Variants in RGL1 observed in about 807,000 individuals in gnomAD.
The protein encoded by RGL1 is ral guanine nucleotide dissociation stimulator like 1.
RGL1 carries 24 observed loss-of-function variants against 95.2 expected under a neutral mutation model. The observed-to-expected ratio is 0.25, with a 90% CI of 0.18 to 0.35. The LOEUF (loss-of-function observed/expected upper bound fraction) is 0.35. Among genes scored for constraint, RGL1 ranks in the 10% least tolerant of loss-of-function variants. The pLI is 1.00. For missense variants in RGL1, 715 were observed against 936.3 expected, an observed-to-expected ratio of 0.76 and a Z score of 3.08; for synonymous variants, 329 against 344.9, an observed-to-expected ratio of 0.95 and a Z score of 0.51.
chr1:183,784,807 G>C (rs923348577), intron 2 of RGL1, among the ~76,000 whole-genome samples: 4 of 152,186 alleles, frequency 2.6e-5, no homozygotes, highest in Admixed American at 6.5e-5. Flanking sequence ...TTTGATCCTA[G>C]TGTGTAAAAG....
chr1:183,776,826 C>T (rs79691548), intron 2 of RGL1, among the ~76,000 whole-genome samples: 3 of 152,296 alleles, frequency 2.0e-5, no homozygotes, highest in Admixed American at 6.5e-5. Context: ...AGTTCATCCA[C>T]AAAAACATGA....
intron 1 of RGL1, among the ~76,000 whole-genome samples, chr1:183,662,837 C>G (rs1651742239): frequency 6.6e-6 from 1 of 152,192 alleles, no homozygotes; most frequent in Non-Finnish European, 1.5e-5. Flanking sequence ...GTAACCAAAA[C>G]AGCATGGTAC....
chr1:183,792,052 C>G (rs986421172), intron 2 of RGL1, among the ~76,000 whole-genome samples: 1 of 152,044 alleles, frequency 6.6e-6, no homozygotes, highest in Non-Finnish European at 1.5e-5. Context: ...ATTTCTTTAT[C>G]CCCAGAACTG....
intron 1 of RGL1, among the ~76,000 whole-genome samples, chr1:183,716,801 T>G (rs546428639): frequency 6.6e-6 from 1 of 152,354 alleles, no homozygotes; most frequent in Admixed American, 6.5e-5. Context: ...ACCTTCTTGC[T>G]CTAGAATTCT....
At chr1:183,748,563 G>A (rs567349617) in intron 2 of RGL1, among the ~76,000 whole-genome samples, 6 of 151,856 alleles carry the variant, frequency 4.0e-5, no homozygotes, top group Non-Finnish European at 7.4e-5. Flanking sequence ...CCGCCACCAC[G>A]TCCAGCTAAT....
At position 183,648,480 on chromosome 1, in the gene RGL1, A is replaced by G. The variant is rs765789119; in HGVS notation, c.-33+11979A>G. On this transcript the variant is annotated intron_variant, in intron 1 of 18. Coordinates refer to the RGL1 transcript ENST00000304685. ...TATGGCTGAGTCAAGATAACCATTC[A>G]TTTCAAAGAGCATTGATTCTGGATG... 3.1e-6 allele frequency: 5 copies of G among 1,614,114 alleles called. No individual in the cohort carries two copies. The South Asian group carries it at 5.5e-5, about 18-fold the overall frequency.
intron 16 of RGL1, among the ~76,000 whole-genome samples, chr1:183,919,583 C>G (rs557373599): frequency 1.2e-3 from 181 of 152,320 alleles, no homozygotes; most frequent in African/African-American, 4.0e-3. Flanking sequence ...GCAAGAGCAA[C>G]TAATGTCCCT....
intron 2 of RGL1, among the ~76,000 whole-genome samples, chr1:183,790,626 CAAT>C (rs2102377146): frequency 6.6e-6 from 1 of 152,004 alleles, no homozygotes; most frequent in Non-Finnish European, 1.5e-5. Flanking sequence ...GCACAGGATA[CAAT>C]AAGTTAACAG....
At position 183,724,778 on chromosome 1, in the gene RGL1, T is replaced by C. The variant is rs1171666765; in HGVS notation, c.-32-17348T>C. Among the ~76,000 whole-genome samples the C allele has an allele frequency of 6.6e-6, 1 of 152,040 alleles. No individual in the cohort carries two copies. Among genetic ancestry groups the C allele is most frequent in the African/African-American group, 2.4e-5 (1 of 41,412 alleles). On this transcript the variant is annotated intron_variant, in intron 1 of 18. Coordinates refer to the RGL1 transcript ENST00000304685. The surrounding 1 kb of genome is among the most constrained non-coding windows in gnomAD (Gnocchi z 4.1). ...AAGCGAAGGACATGAGCATGGCTGT[T>C]TTCACCACCTGCTAATTATAGAACC...
In RGL1 at chr1:183,648,703, C is replaced by T. The variant is rs1219151656; in HGVS notation, c.-33+12202C>T. ...ATATGGTAAGGACAATTAGAGCAATCGAGAGAGAAGCTTAGCCAGTAATAT... is the reference window on the plus strand; with the variant it reads ...ATATGGTAAGGACAATTAGAGCAATTGAGAGAGAAGCTTAGCCAGTAATAT... On this transcript the variant is annotated intron_variant, in intron 1 of 18. Transcript: ENST00000304685. 4.3e-6 allele frequency: 7 copies of T among 1,614,102 alleles called. No individual in the cohort carries two copies. The highest frequency in any genetic ancestry group is 2.2e-5 in the East Asian group (1 of 44,848).
chr1:183,773,260 G>A (rs1471990709), intron 2 of RGL1, among the ~76,000 whole-genome samples: 4 of 148,934 alleles, frequency 2.7e-5, no homozygotes, highest in African/African-American at 5.0e-5. Context: ...TTTCCTTTAT[G>A]TACACTTATC....
At chr1:183,819,375 A>T (rs909085698) in intron 2 of RGL1, among the ~76,000 whole-genome samples, 1 of 152,156 alleles carries the variant, frequency 6.6e-6, no homozygotes, top group Non-Finnish European at 1.5e-5. Flanking sequence ...GCAAAAGGAG[A>T]CTTAATAAGT....
At chr1:183,808,653 A>G (rs1159672338) in intron 2 of RGL1, among the ~76,000 whole-genome samples, 2 of 152,118 alleles carry the variant, frequency 1.3e-5, no homozygotes, top group South Asian at 4.1e-4. Flanking sequence ...AAATTCTTCA[A>G]AGTAACTAGT....
chr1:183,798,826 C>G (rs1205508170), intron 2 of RGL1, among the ~76,000 whole-genome samples: 1 of 148,770 alleles, frequency 6.7e-6, no homozygotes, highest in Non-Finnish European at 1.5e-5. Flanking sequence ...TGGTTTATTT[C>G]ACTTAGTATG....
At chr1:183,673,975 A>G (rs1400312611) in intron 1 of RGL1, among the ~76,000 whole-genome samples, 1 of 152,316 alleles carries the variant, frequency 6.6e-6, no homozygotes, top group East Asian at 1.9e-4. Context: ...CATGCTTTGA[A>G]TTCCAACCTA....
chr1:183,836,426 T>TG (rs1204530419), intron 2 of RGL1, among the ~76,000 whole-genome samples: 3 of 151,480 alleles, frequency 2.0e-5, no homozygotes, highest in African/African-American at 7.3e-5. Flanking sequence ...AATTTTTTTT[T>TG]TTTTGTATTT....
chr1:183,799,322 A>C (rs769919622), intron 2 of RGL1, among the ~76,000 whole-genome samples: 1 of 152,180 alleles, frequency 6.6e-6, no homozygotes, highest in Non-Finnish European at 1.5e-5. Flanking sequence ...CTTTTGGATA[A>C]ATACCCAGAA....
chr1:183,903,771 G>A (rs541921697), intron 12 of RGL1, among the ~76,000 whole-genome samples: 3 of 152,268 alleles, frequency 2.0e-5, no homozygotes, highest in Admixed American at 6.5e-5. Flanking sequence ...AGAAAATGAC[G>A]TTGAAGTTAA....
At chr1:183,640,417 T>C (rs1191033381) in intron 1 of RGL1, among the ~76,000 whole-genome samples, 1 of 152,186 alleles carries the variant, frequency 6.6e-6, no homozygotes, top group East Asian at 1.9e-4. Context: ...TAGTTTGTGT[T>C]TGACAAACAG....
Sources: allele counts gnomAD v4.1 joint callset (sites outside exome capture counted in the v4.1 genomes callset), GRCh38; gene constraint gnomAD v4.1.1; non-coding constraint Gnocchi (gnomAD v3.1); transcripts MANE v1.5; gene names NCBI Gene and HGNC (gene_info 2026-07-23, HGNC 2026-07-21).